The following MAPK10 variants were observed in gnomAD, a reference collection of about 807,000 sequenced individuals.
MAPK10 encodes the protein mitogen-activated protein kinase 10.
A neutral mutation model predicts 59.3 loss-of-function variants in MAPK10; 25 were observed. The observed-to-expected ratio is 0.42, with a 90% confidence interval of 0.31 to 0.59. MAPK10 has a LOEUF of 0.59. MAPK10 is among the 20% of genes least tolerant of loss of function. The pLI is 0.15. For synonymous variants in MAPK10, 190 were observed against 200.5 expected (o/e 0.95, Z 0.44); for missense variants, 351 against 568.9 (o/e 0.62, Z 3.90).
intron 2 of MAPK10, among the ~76,000 whole-genome samples, chr4:86,292,583 G>A (rs1419307017): frequency 2.0e-5 from 3 of 152,124 alleles, no homozygotes; most frequent in African/African-American, 7.2e-5. Context: ...TTAACTGGGC[G>A]TGATGGTGTC....
chr4:86,118,422 C>A (rs1033680682), intron 4 of MAPK10, among the ~76,000 whole-genome samples: 1 of 152,150 alleles, frequency 6.6e-6, no homozygotes, highest in Non-Finnish European at 1.5e-5. Context: ...TTTCCAGCAA[C>A]TTCTTGGCAT....
intron 2 of MAPK10, among the ~76,000 whole-genome samples, chr4:86,288,047 TCTAA>T (rs1475246562): frequency 6.6e-6 from 1 of 152,146 alleles, no homozygotes; most frequent in Non-Finnish European, 1.5e-5. Context: ...CTGCAATCAG[TCTAA>T]CTAACGCTAG....
chr4:86,158,485 G>A (rs1013771632), intron 4 of MAPK10, among the ~76,000 whole-genome samples: 21 of 151,582 alleles, frequency 1.4e-4, no homozygotes, highest in African/African-American at 4.1e-4. Flanking sequence ...TAAATATATT[G>A]TATAAATAAA....
chr4:86,497,359 G>A (rs751588322), intron 1 of MAPK10, among the ~76,000 whole-genome samples: 9 of 152,246 alleles, frequency 5.9e-5, no homozygotes, highest in Middle Eastern at 6.8e-3. Context: ...GCACTGAATG[G>A]CCAGTCTCAG....
intron 2 of MAPK10, among the ~76,000 whole-genome samples, chr4:86,272,189 A>G (rs1005919268): frequency 1.3e-5 from 2 of 152,046 alleles, no homozygotes; most frequent in African/African-American, 2.4e-5. Flanking sequence ...TTATGACTGC[A>G]TAGTAGCTTA....
intron 1 of MAPK10, among the ~76,000 whole-genome samples, chr4:86,502,650 C>T (rs997954308): frequency 6.6e-6 from 1 of 151,984 alleles, no homozygotes; most frequent in African/African-American, 2.4e-5. Flanking sequence ...ATTGCCTCTC[C>T]TCCATATGTC....
At chr4:86,431,992 C>T (rs1261002924) in intron 1 of MAPK10, among the ~76,000 whole-genome samples, 4 of 152,146 alleles carry the variant, frequency 2.6e-5, no homozygotes, top group African/African-American at 7.2e-5. Context: ...GGAAGGAATG[C>T]TGGTCAGATG....
chr4:86,445,650 C>T (rs1331642374), intron 1 of MAPK10, among the ~76,000 whole-genome samples: 1 of 151,932 alleles, frequency 6.6e-6, no homozygotes, highest in Non-Finnish European at 1.5e-5. Flanking sequence ...AAACACTTTA[C>T]CTATACAGGA....
At chr4:86,589,609 G>A (rs541721431) in intron 1 of MAPK10, among the ~76,000 whole-genome samples, 7 of 150,390 alleles carry the variant, frequency 4.7e-5, no homozygotes, top group South Asian at 2.1e-4. Context: ...TTGAACCCAG[G>A]AGGCGGAGGT....
chr4:86,122,903 C>T (rs1410226098), intron 4 of MAPK10, among the ~76,000 whole-genome samples: 1 of 151,908 alleles, frequency 6.6e-6, no homozygotes, highest in Non-Finnish European at 1.5e-5. Context: ...CTAAGTTTTA[C>T]TATAAATTTG....
At chr4:86,352,133 G>A (rs910355377) in intron 2 of MAPK10, 5 of 151,996 alleles carry the variant, frequency 3.3e-5, no homozygotes, top group African/African-American at 1.2e-4. Context: ...AAATATTTTG[G>A]AATTATTTAG....
At chr4:86,342,509 G>C (rs946394832) in intron 2 of MAPK10, among the ~76,000 whole-genome samples, 1 of 148,734 alleles carries the variant, frequency 6.7e-6, no homozygotes, top group Admixed American at 6.8e-5. Context: ...TTTTATTATT[G>C]ATGGCTTAGA....
intron 1 of MAPK10, among the ~76,000 whole-genome samples, chr4:86,418,430 A>C (rs770949132): frequency 7.2e-5 from 11 of 152,244 alleles, no homozygotes; most frequent in Admixed American, 5.2e-4. Context: ...AGTTCATTAA[A>C]GATTTATGGC....
chr4:86,410,933 C>T (rs1399939423), intron 1 of MAPK10, among the ~76,000 whole-genome samples: 2 of 151,980 alleles, frequency 1.3e-5, no homozygotes, highest in Non-Finnish European at 2.9e-5. Flanking sequence ...TATTTCTTGC[C>T]TTCTGCTAGC....
chr4:86,302,772 C>G (rs2095493858), intron 2 of MAPK10, among the ~76,000 whole-genome samples: 1 of 152,146 alleles, frequency 6.6e-6, no homozygotes, highest in Admixed American at 6.5e-5. Flanking sequence ...ATTCTAATGA[C>G]TGCCTATTTT....
At chr4:86,410,508 T>G (rs1164856896) in intron 1 of MAPK10, among the ~76,000 whole-genome samples, 2 of 152,200 alleles carry the variant, frequency 1.3e-5, no homozygotes, top group Non-Finnish European at 2.9e-5. Flanking sequence ...TCTGGTAGAA[T>G]TCGGCTGTGA....
intron 9 of MAPK10, among the ~76,000 whole-genome samples, chr4:86,077,047 GAATT>G (rs1423147076): frequency 1.3e-5 from 2 of 151,952 alleles, no homozygotes; most frequent in African/African-American, 2.4e-5. Flanking sequence ...CATTTAATAA[GAATT>G]ATTTGACAGT....
rs562122979 is a variant in MAPK10 at position 86,575,032 on chromosome 4, T to C, written c.-263+18878A>G. 1.1e-4 allele frequency among the ~76,000 whole-genome samples: 16 copies of C among 152,308 alleles called. No individual in the cohort carries two copies. The Middle Eastern group carries it at 0.01, about 97-fold the overall frequency. On this transcript the variant is annotated intron_variant, in intron 1 of 4. Transcript: ENST00000502302. ...GAATCAGTGGATTCAGTAAAATAGATTGCCCTTCCCAGTGTGGGTGGGCAT... is the reference window on the plus strand; with the variant it reads ...GAATCAGTGGATTCAGTAAAATAGACTGCCCTTCCCAGTGTGGGTGGGCAT...
intron 1 of MAPK10, among the ~76,000 whole-genome samples, chr4:86,568,197 A>C (rs747869025): frequency 3.3e-5 from 5 of 152,178 alleles, no homozygotes; most frequent in Non-Finnish European, 7.4e-5. Context: ...CATTTACAAT[A>C]ACTACAAATA....
Sources: gnomAD v4.1 joint callset for allele counts (sites outside exome capture counted in the v4.1 genomes callset) on GRCh38, gnomAD v4.1.1 for gene constraint, MANE v1.5 for transcripts, NCBI Gene and HGNC (gene_info 2026-07-23, HGNC 2026-07-21) for gene names.